TMEM117: variants seen among roughly 807,000 people sequenced by gnomAD.
TMEM117 encodes the protein transmembrane protein 117.
A neutral mutation model predicts 52.4 loss-of-function variants in TMEM117; 27 were observed. The ratio of observed to expected loss-of-function variants is 0.51; its 90% confidence interval spans 0.38 to 0.71. TMEM117 has a LOEUF of 0.71. Among genes scored for constraint, TMEM117 ranks in the 30% least tolerant of loss-of-function variants. TMEM117 has a pLI of 0.00. For missense variants in TMEM117, 556 were observed against 630.5 expected (o/e 0.88, Z 1.26); for synonymous variants, 215 against 206.3 (o/e 1.04, Z -0.36).
intron 3 of TMEM117, among the ~76,000 whole-genome samples, chr12:44,141,224 C>G (rs1469649809): frequency 6.6e-6 from 1 of 152,058 alleles, no homozygotes; most frequent in East Asian, 1.9e-4. Flanking sequence ...AAATTTGTGA[C>G]ATTTTTTGCA....
chr12:43,966,350 C>CACA (rs1379887927), intron 3 of TMEM117, among the ~76,000 whole-genome samples: 1 of 152,156 alleles, frequency 6.6e-6, no homozygotes, highest in Admixed American at 6.5e-5. Flanking sequence ...TAAAATAATA[C>CACA]ACAACATTAC....
chr12:43,816,137 ATT>A, the TMEM117 span, among the ~76,000 whole-genome samples: 1 of 152,176 alleles, frequency 6.6e-6, no homozygotes, highest in Non-Finnish European at 1.5e-5. Context: ...TTCAAATGGC[ATT>A]TGAGCAGTTA....
chr12:44,111,091 C>T (rs1948047918), intron 3 of TMEM117, among the ~76,000 whole-genome samples: 1 of 6,002 alleles, frequency 1.7e-4, no homozygotes, highest in Non-Finnish European at 2.6e-4. Flanking sequence ...TTTGATTCTT[C>T]TCTCTTTTTT....
chr12:43,898,472 A>G (rs1944250437), intron 2 of TMEM117, among the ~76,000 whole-genome samples: 1 of 151,828 alleles, frequency 6.6e-6, no homozygotes, highest in African/African-American at 2.4e-5. Context: ...GAATAGGTTA[A>G]TAATAGACCC....
At chr12:44,048,323 A>G in intron 3 of TMEM117, among the ~76,000 whole-genome samples, 1 of 151,306 alleles carries the variant, frequency 6.6e-6, no homozygotes, top group South Asian at 2.1e-4. Flanking sequence ...GATCCTTTCT[A>G]AGTTTTGTTT....
At chr12:44,295,921 T>A (rs1282344540) in intron 5 of TMEM117, among the ~76,000 whole-genome samples, 2 of 152,210 alleles carry the variant, frequency 1.3e-5, no homozygotes, top group African/African-American at 4.8e-5. Flanking sequence ...AGCTTTGCCT[T>A]TGTGTCTGCA....
chr12:44,027,373 C>T (rs2068520521), intron 3 of TMEM117, among the ~76,000 whole-genome samples: 1 of 151,710 alleles, frequency 6.6e-6, no homozygotes, highest in Non-Finnish European at 1.5e-5. Flanking sequence ...GGGGTTTCAC[C>T]ATGTTGGCCA....
chr12:43,988,193 G>T (rs1183824446), intron 3 of TMEM117, among the ~76,000 whole-genome samples: 1 of 151,904 alleles, frequency 6.6e-6, no homozygotes, highest in South Asian at 2.1e-4. Flanking sequence ...ATACTGTGTG[G>T]TAATAAGCCT....
chr12:43,904,452 T>G (rs1441254975), intron 2 of TMEM117, among the ~76,000 whole-genome samples: 2 of 152,212 alleles, frequency 1.3e-5, no homozygotes, highest in Non-Finnish European at 2.9e-5. Context: ...TATTTAAATT[T>G]TAATGTCCCC....
chr12:44,396,459 A>T, the TMEM117 span, among the ~76,000 whole-genome samples: 1 of 151,896 alleles, frequency 6.6e-6, no homozygotes, highest in African/African-American at 2.4e-5. Flanking sequence ...GCCTATAATG[A>T]TGACTTGGTG....
At chr12:43,898,335 C>A (rs1478070247) in intron 2 of TMEM117, among the ~76,000 whole-genome samples, 1 of 150,098 alleles carries the variant, frequency 6.7e-6, no homozygotes, top group Non-Finnish European at 1.5e-5. Context: ...TCAAGCTGGA[C>A]TTTCAGGATA....
At chr12:44,168,389 G>C (rs1358142200) in intron 4 of TMEM117, among the ~76,000 whole-genome samples, 1 of 152,158 alleles carries the variant, frequency 6.6e-6, no homozygotes, top group Non-Finnish European at 1.5e-5. Context: ...AAAACCCATG[G>C]TTAACTTGTG....
intron 6 of TMEM117, among the ~76,000 whole-genome samples, chr12:44,305,139 C>G (rs906187282): frequency 6.6e-6 from 1 of 152,140 alleles, no homozygotes; most frequent in South Asian, 2.1e-4. Context: ...GACTAAACAG[C>G]CATTGGATCT....
chr12:44,060,121 A>G (rs113360631), intron 3 of TMEM117, among the ~76,000 whole-genome samples: 5 of 152,326 alleles, frequency 3.3e-5, no homozygotes, highest in African/African-American at 9.6e-5. Flanking sequence ...TCTACCTCTC[A>G]GGACTATTGG....
intron 2 of TMEM117, among the ~76,000 whole-genome samples, chr12:43,868,381 A>AAAT (rs1276767884): frequency 6.6e-6 from 1 of 151,178 alleles, no homozygotes; most frequent in Non-Finnish European, 1.5e-5. Context: ...GTCTCTACTA[A>AAAT]AATAATAATA....
At chr12:44,008,793 A>G in intron 3 of TMEM117, 1 of 443,400 alleles carries the variant, frequency 2.3e-6, no homozygotes. Flanking sequence ...CTTTTTCCAC[A>G]TTCATGACAT....
At chr12:44,032,679 C>T (rs1423444269) in intron 3 of TMEM117, among the ~76,000 whole-genome samples, 2 of 152,174 alleles carry the variant, frequency 1.3e-5, no homozygotes, top group Non-Finnish European at 2.9e-5. Flanking sequence ...TTTTTGTAAA[C>T]ACTTACTAAT....
At chr12:44,262,077 C>T (rs933569779) in intron 5 of TMEM117, among the ~76,000 whole-genome samples, 1 of 152,106 alleles carries the variant, frequency 6.6e-6, no homozygotes, top group Admixed American at 6.6e-5. Flanking sequence ...TAGGTGTGAA[C>T]CAGCTTCTCC....
chr12:44,292,646 G>A (rs918438716), intron 5 of TMEM117, among the ~76,000 whole-genome samples: 5 of 151,890 alleles, frequency 3.3e-5, no homozygotes, highest in Non-Finnish European at 7.4e-5. Flanking sequence ...ATCAGTTTGG[G>A]TACGTTCTGT....
Sources: gnomAD v4.1 joint callset for allele counts (sites outside exome capture counted in the v4.1 genomes callset) on GRCh38, gnomAD v4.1.1 for gene constraint, MANE v1.5 for transcripts, NCBI Gene and HGNC (gene_info 2026-07-23, HGNC 2026-07-21) for gene names.